GRID2: variants seen among roughly 807,000 people sequenced by gnomAD.
GRID2 encodes the protein glutamate ionotropic receptor delta type subunit 2, also known as glutamate receptor ionotropic, delta-2.
GRID2 carries 33 observed loss-of-function variants against 114.8 expected under a neutral mutation model. The ratio of observed to expected loss-of-function variants is 0.29; its 90% CI spans 0.22 to 0.38. The LOEUF (loss-of-function observed/expected upper bound fraction) is 0.38, where lower values mean the gene tolerates loss of function less well. Ranked by LOEUF, GRID2 falls within the 10% of genes least tolerant of loss-of-function variation. The pLI, the probability that GRID2 is intolerant of heterozygous loss-of-function variation, is 1.00. For missense variants in GRID2, 1,184 were observed against 1,257.7 expected (o/e 0.94, Z 0.89); for synonymous variants, 505 against 449.9 (o/e 1.12, Z -1.55).
intron 2 of GRID2, among the ~76,000 whole-genome samples, chr4:93,061,517 A>G (rs1727808231): frequency 6.6e-6 from 1 of 152,146 alleles, no homozygotes; most frequent in African/African-American, 2.4e-5. Flanking sequence ...GCATTGCAAC[A>G]TAATATGCCA....
intron 10 of GRID2, among the ~76,000 whole-genome samples, chr4:93,448,408 C>A (rs1217878212): frequency 6.6e-6 from 1 of 151,602 alleles, no homozygotes; most frequent in East Asian, 2.0e-4. Flanking sequence ...TAATAAATAA[C>A]ATAAAGAATA....
chr4:92,523,504 A>G (rs1020570885), intron 1 of GRID2, among the ~76,000 whole-genome samples: 7 of 152,114 alleles, frequency 4.6e-5, no homozygotes, highest in Non-Finnish European at 7.4e-5. Context: ...AATGAATGCA[A>G]CCACTTAAAA....
intron 9 of GRID2, among the ~76,000 whole-genome samples, chr4:93,405,246 T>C (rs1005409388): frequency 6.6e-6 from 1 of 152,160 alleles, no homozygotes; most frequent in African/African-American, 2.4e-5. Flanking sequence ...AAATGGCCTA[T>C]GCAAATGATG....
rs140150246 is a variant in GRID2 at position 93,176,631 on chromosome 4, A to G, written c.736-30773A>G. Among the ~76,000 whole-genome samples, 637 of 152,302 alleles carry G rather than the reference A, an allele frequency of 4.2e-3. 8 individuals carry two copies. Among genetic ancestry groups the G allele is most frequent in the African/African-American group, 0.015 (614 of 41,574 alleles). On this transcript the variant is annotated intron_variant, in intron 4 of 15. Coordinates refer to ENST00000282020, the MANE Select transcript of GRID2 (RefSeq NM_001510.4). ...GTATCTAACAAAATCATATATTATG[A>G]TGGTAAAATTTTCATTTAAAAATTA...
intron 2 of GRID2, among the ~76,000 whole-genome samples, chr4:92,887,131 T>C (rs1314974177): frequency 6.6e-6 from 1 of 152,220 alleles, no homozygotes; most frequent in Non-Finnish European, 1.5e-5. Flanking sequence ...CATATTGTTA[T>C]CATTATTGCT....
chr4:93,254,670 A>G (rs1168274315), intron 8 of GRID2, among the ~76,000 whole-genome samples: 2 of 152,160 alleles, frequency 1.3e-5, no homozygotes, highest in Non-Finnish European at 2.9e-5. Flanking sequence ...ATGTCTGATT[A>G]TAGCCATTTG....
chr4:93,183,999 T>G (rs139209066), intron 4 of GRID2, among the ~76,000 whole-genome samples: 108 of 152,310 alleles, frequency 7.1e-4, no homozygotes, highest in African/African-American at 2.4e-3. Flanking sequence ...ATGATGCACA[T>G]TATTTGCTGT....
chr4:93,557,631 T>C (rs937479888), intron 13 of GRID2, among the ~76,000 whole-genome samples: 8 of 152,056 alleles, frequency 5.3e-5, no homozygotes, highest in Non-Finnish European at 8.8e-5. Flanking sequence ...TCCCACACAA[T>C]AATATTGGGA....
intron 2 of GRID2, among the ~76,000 whole-genome samples, chr4:92,964,513 A>G (rs976232933): frequency 6.6e-6 from 1 of 151,934 alleles, no homozygotes; most frequent in Non-Finnish European, 1.5e-5. Flanking sequence ...ACAAAACAGC[A>G]CCTTCTACAC....
intron 1 of GRID2, among the ~76,000 whole-genome samples, chr4:92,531,066 C>T (rs1270107294): frequency 3.9e-5 from 6 of 151,932 alleles, no homozygotes; most frequent in Non-Finnish European, 5.9e-5. Flanking sequence ...AGTGAAAAAT[C>T]ACAATGCCTT....
chr4:93,600,810 T>C (rs1465884559), intron 13 of GRID2, among the ~76,000 whole-genome samples: 1 of 152,146 alleles, frequency 6.6e-6, no homozygotes, highest in African/African-American at 2.4e-5. Flanking sequence ...AGCATAGTGG[T>C]CTACTCAGAC....
chr4:93,050,121 C>T (rs1224144161), intron 2 of GRID2, among the ~76,000 whole-genome samples: 1 of 151,912 alleles, frequency 6.6e-6, no homozygotes, highest in African/African-American at 2.4e-5. Flanking sequence ...GCAAAGAGAC[C>T]ATTACTGGAA....
At chr4:93,053,429 G>A (rs570009887) in intron 2 of GRID2, among the ~76,000 whole-genome samples, 1 of 152,016 alleles carries the variant, frequency 6.6e-6, no homozygotes, top group South Asian at 2.1e-4. Context: ...GTGTGCACAT[G>A]TTGGTGTTCG....
At chr4:92,966,924 A>T (rs1753193816) in intron 2 of GRID2, among the ~76,000 whole-genome samples, 1 of 151,968 alleles carries the variant, frequency 6.6e-6, no homozygotes, top group South Asian at 2.1e-4. Context: ...TACAATGATT[A>T]TGAGGTTGAT....
intron 2 of GRID2, among the ~76,000 whole-genome samples, chr4:92,666,089 A>G (rs1442574878): frequency 6.6e-6 from 1 of 151,234 alleles, no homozygotes; most frequent in Non-Finnish European, 1.5e-5. Context: ...TTTAGTTTTC[A>G]CTTTCTTCAG....
intron 1 of GRID2, among the ~76,000 whole-genome samples, chr4:92,571,046 C>A (rs1430488397): frequency 1.3e-5 from 2 of 152,102 alleles, no homozygotes; most frequent in African/African-American, 2.4e-5. Flanking sequence ...GGGAGTGCTT[C>A]CAGTTTTTGC....
At chr4:93,134,881 C>T (rs1560915400) in intron 4 of GRID2, among the ~76,000 whole-genome samples, 3 of 151,980 alleles carry the variant, frequency 2.0e-5, no homozygotes, top group Admixed American at 1.3e-4. Flanking sequence ...TGCCTCGTTG[C>T]CCCTCGCTGT....
intron 10 of GRID2, among the ~76,000 whole-genome samples, chr4:93,425,590 C>A (rs1768764257): frequency 6.6e-6 from 1 of 152,108 alleles, no homozygotes. Context: ...GCTAATTTTC[C>A]TAGGATCTCT....
At chr4:93,556,196 T>A (rs1361709251) in intron 13 of GRID2, among the ~76,000 whole-genome samples, 1 of 152,136 alleles carries the variant, frequency 6.6e-6, no homozygotes, top group Non-Finnish European at 1.5e-5. Flanking sequence ...CCAGAATGCC[T>A]CTTCTCCTCC....
Sources: allele counts gnomAD v4.1 joint callset (sites outside exome capture counted in the v4.1 genomes callset), GRCh38; gene constraint gnomAD v4.1.1; transcripts MANE v1.5; gene names NCBI Gene and HGNC (gene_info 2026-07-23, HGNC 2026-07-21).